Variants in ANAPC10 observed in about 807,000 individuals in gnomAD.
ANAPC10 encodes anaphase promoting complex subunit 10, also known as anaphase-promoting complex subunit 10.
Under a neutral mutation model 22.0 loss-of-function variants are expected in ANAPC10, and 12 were observed. The observed-to-expected ratio is 0.55, with a 90% CI of 0.35 to 0.88. The LOEUF is 0.88. Among genes scored for constraint, ANAPC10 ranks in the 40% least tolerant of loss-of-function variants. ANAPC10 has a pLI of 0.01. For missense variants in ANAPC10, 188 were observed against 220.9 expected (o/e 0.85, Z 0.94); for synonymous variants, 65 against 69.5 (o/e 0.94, Z 0.32).
intron 3 of ANAPC10, among the ~76,000 whole-genome samples, chr4:145,078,553 G>A (rs933080773): frequency 7.0e-4 from 106 of 152,086 alleles, no homozygotes; most frequent in African/African-American, 2.4e-3. Context: ...CCAAAAAAGA[G>A]CCTCAATAGC....
At chr4:145,021,845 A>G (rs760204877) in intron 4 of ANAPC10, among the ~76,000 whole-genome samples, 5 of 152,192 alleles carry the variant, frequency 3.3e-5, no homozygotes, top group Non-Finnish European at 7.3e-5. Flanking sequence ...TCCCATCAAA[A>G]AGTGGGCTAA....
At chr4:145,018,659 A>G (rs1159290950) in intron 4 of ANAPC10, among the ~76,000 whole-genome samples, 1 of 152,074 alleles carries the variant, frequency 6.6e-6, no homozygotes, top group Non-Finnish European at 1.5e-5. Flanking sequence ...TCTAAAAAAA[A>G]AAAAAAAATT....
intron 4 of ANAPC10, among the ~76,000 whole-genome samples, chr4:145,009,087 T>C (rs1222963828): frequency 1.6e-4 from 24 of 152,078 alleles, no homozygotes; most frequent in Admixed American, 1.6e-3. Context: ...CATTCACAAC[T>C]GCTACAAAGA....
At chr4:145,068,712 C>T (rs1744055393) in intron 3 of ANAPC10, among the ~76,000 whole-genome samples, 1 of 152,122 alleles carries the variant, frequency 6.6e-6, no homozygotes, top group Non-Finnish European at 1.5e-5. Flanking sequence ...GAGATCGAGA[C>T]CATCCTGGCC....
chr4:145,003,508 G>A (rs1286414975), intron 4 of ANAPC10, among the ~76,000 whole-genome samples: 1 of 151,692 alleles, frequency 6.6e-6, no homozygotes, highest in Non-Finnish European at 1.5e-5. Flanking sequence ...CAGTATTACC[G>A]ATTTTTGTAT....
chr4:145,080,511 CAA>C (rs1272159660), intron 3 of ANAPC10, among the ~76,000 whole-genome samples: 1 of 152,196 alleles, frequency 6.6e-6, no homozygotes, highest in Non-Finnish European at 1.5e-5. Context: ...AGATGGCCCA[CAA>C]AGTCTAAAAT....
chr4:145,006,444 G>A (rs1188515989), intron 4 of ANAPC10, among the ~76,000 whole-genome samples: 3 of 151,996 alleles, frequency 2.0e-5, no homozygotes, highest in South Asian at 2.1e-4. Flanking sequence ...AGAAAGGAAC[G>A]ATAGCAATGA....
At position 145,001,717 on chromosome 4, in the gene ANAPC10, C is replaced by A. The variant is rs532416807; in HGVS notation, c.328-6114G>T. 1.6e-4 allele frequency among the ~76,000 whole-genome samples: 25 copies of A among 152,216 alleles called. 1 individual carries two copies. In the East Asian group the frequency reaches 4.8e-3, roughly 29 times the overall value. ...TGATATCAGCTGCTATGGTATGAAA[C>A]CTACAGTGGTGTAAACAGGATCCAT... On this transcript the variant is annotated intron_variant, in intron 4 of 4. Coordinates refer to ENST00000507656, the MANE Select transcript of ANAPC10 (RefSeq NM_001256706.2).
At chr4:145,065,066 A>C (rs1743479156) in intron 3 of ANAPC10, among the ~76,000 whole-genome samples, 1 of 152,006 alleles carries the variant, frequency 6.6e-6, no homozygotes, top group Admixed American at 6.6e-5. Context: ...TTCCTTTACT[A>C]AGTACTTACT....
chr4:145,075,821 T>C (rs533219256), intron 3 of ANAPC10, among the ~76,000 whole-genome samples: 45 of 152,080 alleles, frequency 3.0e-4, no homozygotes, highest in Admixed American at 1.1e-3. Flanking sequence ...GCCCAGAGGG[T>C]TTGGCATGGA....
At chr4:145,097,422 T>C (rs1748730651) in intron 1 of ANAPC10, 1 of 1,169,118 alleles carries the variant, frequency 8.6e-7, no homozygotes, top group Non-Finnish European at 1.1e-6. Context: ...GTAAAACTGC[T>C]TTGGTAGCGC....
intron 1 of ANAPC10, chr4:145,097,755 T>A: frequency 2.9e-6 from 1 of 348,186 alleles, no homozygotes; most frequent in South Asian, 2.2e-5. Flanking sequence ...CTGAATGTCC[T>A]GTTACCTAAA....
In ANAPC10 at chr4:145,080,262, G is replaced by T. The variant is rs867474714; in HGVS notation, c.206+1398C>A. Among the ~76,000 whole-genome samples, 6 of 152,196 alleles carry T rather than the reference G, an allele frequency of 3.9e-5. 1 individual carries two copies. The highest frequency in any genetic ancestry group is 7.2e-5 in the African/African-American group (3 of 41,530). ...TATTAGGTACTATACTTACTACCTG[G>T]ATGACGAAATTTGTACACCAAAACC... On this transcript the variant is annotated intron_variant, in intron 3 of 4. Coordinates refer to ENST00000507656, the MANE Select transcript of ANAPC10 (RefSeq NM_001256706.2).
intron 4 of ANAPC10, among the ~76,000 whole-genome samples, chr4:145,031,089 A>G (rs1248352619): frequency 6.6e-6 from 1 of 152,214 alleles, no homozygotes; most frequent in African/African-American, 2.4e-5. Flanking sequence ...CATAAGGCCC[A>G]CCAGAAGCAA....
intron 3 of ANAPC10, among the ~76,000 whole-genome samples, chr4:145,069,577 C>T (rs889078429): frequency 6.6e-6 from 1 of 152,132 alleles, no homozygotes; most frequent in Non-Finnish European, 1.5e-5. Flanking sequence ...CTAAGACATT[C>T]GTTTGAGATC....
chr4:145,083,870 CATTT>C (rs1474588954), intron 2 of ANAPC10, among the ~76,000 whole-genome samples: 5 of 152,156 alleles, frequency 3.3e-5, no homozygotes, highest in African/African-American at 9.6e-5. Flanking sequence ...TTGTATTTCA[CATTT>C]ATTAATATTT....
intron 4 of ANAPC10, among the ~76,000 whole-genome samples, chr4:145,057,770 T>C (rs185677860): frequency 1.2e-3 from 177 of 152,236 alleles, no homozygotes; most frequent in African/African-American, 3.9e-3. Context: ...CCATTACTAG[T>C]AAATGCCAAC....
At chr4:145,031,726 G>A (rs931059697) in intron 4 of ANAPC10, among the ~76,000 whole-genome samples, 2 of 152,176 alleles carry the variant, frequency 1.3e-5, no homozygotes, top group African/African-American at 4.8e-5. Flanking sequence ...CCTTTGGCAG[G>A]CCCCCATAGT....
intron 4 of ANAPC10, among the ~76,000 whole-genome samples, chr4:145,001,851 G>C (rs1732620162): frequency 6.6e-6 from 1 of 152,040 alleles, no homozygotes; most frequent in Non-Finnish European, 1.5e-5. Context: ...ACTTACTTAA[G>C]AGCAGATGTA....
Sources: allele counts gnomAD v4.1 joint callset (sites outside exome capture counted in the v4.1 genomes callset), GRCh38; gene constraint gnomAD v4.1.1; transcripts MANE v1.5; gene names NCBI Gene and HGNC (gene_info 2026-07-23, HGNC 2026-07-21).